Variants in CNTNAP2 observed in about 807,000 individuals in gnomAD.
The protein encoded by CNTNAP2 is contactin associated protein 2.
CNTNAP2 carries 98 observed loss-of-function variants against 155.2 expected under a neutral mutation model. The observed-to-expected ratio is 0.63, with a 90% CI of 0.54 to 0.75. The LOEUF is 0.75. CNTNAP2 is among the 30% of genes least tolerant of loss of function. The pLI, the probability that CNTNAP2 is intolerant of heterozygous loss-of-function variation, is 0.00. For missense variants in CNTNAP2, 1,727 were observed against 1,688.1 expected (o/e 1.02, Z -0.40); for synonymous variants, 651 against 631.2 (o/e 1.03, Z -0.47).
chr7:148,091,166 C>T (rs1027338092), intron 15 of CNTNAP2, among the ~76,000 whole-genome samples: 7 of 152,034 alleles, frequency 4.6e-5, no homozygotes, highest in Non-Finnish European at 2.9e-5. Flanking sequence ...ATAGTGACTA[C>T]AGCTAATGAC....
rs375888825 is a variant in CNTNAP2 at position 146,996,636 on chromosome 7, C to T, written c.403-47271C>T. 5.9e-5 allele frequency among the ~76,000 whole-genome samples: 9 copies of T among 152,028 alleles called. No homozygotes were observed. The East Asian group carries it at 7.7e-4, about 13-fold the overall frequency. On this transcript the variant is annotated intron_variant, in intron 3 of 23. Transcript: ENST00000361727. ...GGAGTCTTTAGAGTTTTCTATAAAA[C>T]GGATCATGTCAGCTGCAAACAAGGA... is the stretch of plus-strand genomic sequence containing the variant.
intron 3 of CNTNAP2, among the ~76,000 whole-genome samples, chr7:146,905,404 C>T (rs1796098353): frequency 6.6e-6 from 1 of 152,118 alleles, no homozygotes; most frequent in South Asian, 2.1e-4. Flanking sequence ...TTCCTTGATA[C>T]AGAATTCTTT....
At chr7:146,254,432 T>C (rs28376563) in intron 1 of CNTNAP2, among the ~76,000 whole-genome samples, 5,185 of 152,288 alleles carry the variant, frequency 0.034, 125 homozygotes, top group African/African-American at 0.065. Context: ...ATACAGATCG[T>C]ACCCAAGTAA....
chr7:147,262,186 A>G (rs937635075), intron 8 of CNTNAP2, among the ~76,000 whole-genome samples: 3 of 152,256 alleles, frequency 2.0e-5, no homozygotes, highest in Non-Finnish European at 2.9e-5. Flanking sequence ...TGTGGAACAT[A>G]CTGAAGGATT....
chr7:146,235,916 C>T (rs775718926), intron 1 of CNTNAP2, among the ~76,000 whole-genome samples: 2 of 151,794 alleles, frequency 1.3e-5, no homozygotes, highest in African/African-American at 2.4e-5. Flanking sequence ...ATATTAATTA[C>T]CCATCAATAT....
chr7:146,594,049 C>T (rs543345222), intron 1 of CNTNAP2, among the ~76,000 whole-genome samples: 1 of 152,200 alleles, frequency 6.6e-6, no homozygotes, highest in South Asian at 2.1e-4. Context: ...AGCAAGAATC[C>T]TCATAGGTTA....
At chr7:146,941,004 G>T (rs573436766) in intron 3 of CNTNAP2, among the ~76,000 whole-genome samples, 33 of 151,690 alleles carry the variant, frequency 2.2e-4, no homozygotes, top group African/African-American at 7.7e-4. Context: ...GTTTCTATTT[G>T]CATGAGACAT....
chr7:146,890,515 T>G (rs1795753526), intron 3 of CNTNAP2, among the ~76,000 whole-genome samples: 1 of 152,220 alleles, frequency 6.6e-6, no homozygotes, highest in Admixed American at 6.5e-5. Context: ...GATGCCATGT[T>G]TTGAAATATT....
At chr7:147,062,401 C>T (rs563270624) in intron 4 of CNTNAP2, among the ~76,000 whole-genome samples, 1 of 151,874 alleles carries the variant, frequency 6.6e-6, no homozygotes, top group Admixed American at 6.6e-5. Flanking sequence ...AGTATGCATG[C>T]ACAGGGATTA....
intron 12 of CNTNAP2, among the ~76,000 whole-genome samples, chr7:147,624,620 G>A (rs922156139): frequency 2.0e-5 from 3 of 152,146 alleles, no homozygotes; most frequent in African/African-American, 7.2e-5. Context: ...AAATGCTGGT[G>A]AGGATATGGG....
At chr7:148,287,796 T>A (rs1415876043) in intron 21 of CNTNAP2, among the ~76,000 whole-genome samples, 2 of 552 alleles carry the variant, frequency 3.6e-3, no homozygotes, top group Admixed American at 0.059. Flanking sequence ...TCTTTTTTTC[T>A]TTTTTTTTTT....
chr7:147,571,363 T>C (rs1199349301), intron 12 of CNTNAP2, among the ~76,000 whole-genome samples: 1 of 149,180 alleles, frequency 6.7e-6, no homozygotes, highest in Non-Finnish European at 1.5e-5. Context: ...ATGAGTTCAT[T>C]TTTAATTCTT....
intron 8 of CNTNAP2, among the ~76,000 whole-genome samples, chr7:147,202,196 A>C (rs939750231): frequency 1.3e-5 from 2 of 151,760 alleles, no homozygotes; most frequent in Non-Finnish European, 2.9e-5. Context: ...GACAGTTGCC[A>C]AAATAATAAA....
intron 18 of CNTNAP2, among the ~76,000 whole-genome samples, chr7:148,203,282 TACC>T (rs1795394803): frequency 1.6e-4 from 24 of 152,204 alleles, no homozygotes; most frequent in Non-Finnish European, 1.0e-4. Flanking sequence ...GTACATTGCA[TACC>T]TACTATGTGC....
chr7:146,347,366 A>C (rs80113664), intron 1 of CNTNAP2, among the ~76,000 whole-genome samples: 1 of 152,282 alleles, frequency 6.6e-6, no homozygotes, highest in Non-Finnish European at 1.5e-5. Flanking sequence ...CTGTTGGGAA[A>C]GCAACAGCTC....
intron 1 of CNTNAP2, among the ~76,000 whole-genome samples, chr7:146,696,293 G>T (rs1177911396): frequency 1.3e-5 from 2 of 152,066 alleles, no homozygotes; most frequent in African/African-American, 4.8e-5. Context: ...TTTCATCTAG[G>T]TTATCAAATC....
intron 14 of CNTNAP2, among the ~76,000 whole-genome samples, chr7:147,967,287 T>G (rs73744658): frequency 6.6e-6 from 1 of 152,226 alleles, no homozygotes; most frequent in African/African-American, 2.4e-5. Context: ...TTATATCATT[T>G]AAAGGAAATA....
intron 8 of CNTNAP2, among the ~76,000 whole-genome samples, chr7:147,235,501 A>C (rs1442031074): frequency 1.3e-5 from 2 of 152,114 alleles, no homozygotes; most frequent in Non-Finnish European, 2.9e-5. Flanking sequence ...CTTGGCAATT[A>C]GTATTTTTGT....
At chr7:147,212,327 G>A (rs528456780) in intron 8 of CNTNAP2, among the ~76,000 whole-genome samples, 1 of 152,188 alleles carries the variant, frequency 6.6e-6, no homozygotes, top group South Asian at 2.1e-4. Flanking sequence ...AATAGCAATG[G>A]CATGGAATCA....
Sources: gnomAD v4.1 joint callset for allele counts (sites outside exome capture counted in the v4.1 genomes callset) on GRCh38, gnomAD v4.1.1 for gene constraint, MANE v1.5 for transcripts, NCBI Gene and HGNC (gene_info 2026-07-23, HGNC 2026-07-21) for gene names.